Variants in ST7 observed in about 807,000 individuals in gnomAD.
ST7 encodes suppressor of tumorigenicity 7 protein.
A neutral mutation model predicts 78.7 loss-of-function variants in ST7; 28 were observed. The ratio of observed to expected loss-of-function variants is 0.36; its 90% CI spans 0.26 to 0.49. ST7 has a LOEUF of 0.49. Among genes scored for constraint, ST7 ranks in the 20% least tolerant of loss-of-function variants. The probability of loss-of-function intolerance (pLI) is 0.99; values close to 1 mark genes in which losing one functional copy is unlikely to be tolerated. For missense variants in ST7, 418 were observed against 696.0 expected, an observed-to-expected ratio of 0.60 and a Z score of 4.49; for synonymous variants, 247 against 249.6, an observed-to-expected ratio of 0.99 and a Z score of 0.10.
At chr7:117,085,030 C>T (rs1800036265) in intron 1 of ST7, among the ~76,000 whole-genome samples, 1 of 151,948 alleles carries the variant, frequency 6.6e-6, no homozygotes, top group African/African-American at 2.4e-5. Context: ...TCAGTCCTGG[C>T]GCTTGTTCCT....
intron 10 of ST7, among the ~76,000 whole-genome samples, chr7:117,172,137 G>C (rs1808042521): frequency 6.6e-6 from 1 of 151,888 alleles, no homozygotes; most frequent in Non-Finnish European, 1.5e-5. Flanking sequence ...TTTTTTTGTA[G>C]AGACTGGTTA....
chr7:116,980,961 C>T (rs1203660675), intron 1 of ST7, among the ~76,000 whole-genome samples: 1 of 152,194 alleles, frequency 6.6e-6, no homozygotes, highest in Non-Finnish European at 1.5e-5. Flanking sequence ...TCATGCCTTC[C>T]ATTTAGTAGC....
At chr7:117,141,702 A>G (rs1322699124) in intron 9 of ST7, among the ~76,000 whole-genome samples, 1 of 151,084 alleles carries the variant, frequency 6.6e-6, no homozygotes, top group Non-Finnish European at 1.5e-5. Flanking sequence ...ACAGAGTCTC[A>G]CTCTGATGCC....
chr7:117,116,695 C>T (rs115254771), intron 2 of ST7, among the ~76,000 whole-genome samples: 2,264 of 152,246 alleles, frequency 0.015, 73 homozygotes, highest in African/African-American at 0.052. Context: ...CTGTACACAG[C>T]AGGGGCTGTA....
At chr7:117,188,773 T>TATATATATATATATCTCCTC (rs147832271) in intron 10 of ST7, among the ~76,000 whole-genome samples, 1 of 151,872 alleles carries the variant, frequency 6.6e-6, no homozygotes, top group African/African-American at 2.4e-5. Flanking sequence ...GACATATATA[T>TATATATATATATATCTCCTC]AACTTGGACT....
chr7:117,172,873 G>A (rs1207042787), intron 10 of ST7, among the ~76,000 whole-genome samples: 1 of 152,186 alleles, frequency 6.6e-6, no homozygotes, highest in Non-Finnish European at 1.5e-5. Context: ...AGCCTCTTAA[G>A]GCTCCTTTCA....
intron 1 of ST7, among the ~76,000 whole-genome samples, chr7:117,010,832 T>C (rs570324365): frequency 5.3e-5 from 8 of 152,158 alleles, no homozygotes; most frequent in Non-Finnish European, 1.2e-4. Context: ...AAGAGTGAAG[T>C]GGAAGCCATG....
At chr7:117,125,943 T>C (rs1455579504) in intron 3 of ST7, among the ~76,000 whole-genome samples, 1 of 152,010 alleles carries the variant, frequency 6.6e-6, no homozygotes, top group Non-Finnish European at 1.5e-5. Context: ...CTTAATCTCA[T>C]TTACCATAGA....
At chr7:117,214,962 T>G (rs1792579485) in intron 13 of ST7, among the ~76,000 whole-genome samples, 1 of 148,694 alleles carries the variant, frequency 6.7e-6, no homozygotes, top group South Asian at 2.1e-4. Context: ...GTGTACAGTG[T>G]ATATAAGCAA....
At chr7:117,123,360 T>C (rs1332515440) in intron 3 of ST7, among the ~76,000 whole-genome samples, 1 of 152,156 alleles carries the variant, frequency 6.6e-6, no homozygotes, top group Non-Finnish European at 1.5e-5. Flanking sequence ...AAGGTTGTTA[T>C]GGTTACAGGC....
chr7:117,099,903 G>A (rs1801438279), intron 2 of ST7, 59 bp downstream of exon 2: 1 of 1,336,756 alleles, frequency 7.5e-7, no homozygotes, highest in African/African-American at 1.5e-5. Flanking sequence ...GTGTATTAGT[G>A]TATGTACAGT....
chr7:117,103,062 A>G (rs1318046265), intron 2 of ST7, among the ~76,000 whole-genome samples: 4 of 152,198 alleles, frequency 2.6e-5, no homozygotes, highest in African/African-American at 9.7e-5. Context: ...TTAAACCCTG[A>G]TGGAAAAAAA....
At chr7:117,073,058 T>C (rs1210838815) in intron 1 of ST7, 2 of 152,160 alleles carry the variant, frequency 1.3e-5, no homozygotes, top group Non-Finnish European at 1.5e-5. Flanking sequence ...ACAGGAAACA[T>C]TGCGGCTGCG....
chr7:117,135,978 T>C (rs1205377850), intron 7 of ST7, 103 bp from the exon 8 acceptor site: 3 of 1,276,306 alleles, frequency 2.4e-6, no homozygotes, highest in Non-Finnish European at 3.3e-6. Context: ...TTGGCCACTC[T>C]GCATGTTTTG....
chr7:116,996,678 A>C (rs1326160487), intron 1 of ST7, among the ~76,000 whole-genome samples: 3 of 152,180 alleles, frequency 2.0e-5, no homozygotes, highest in Non-Finnish European at 4.4e-5. Context: ...AAAGTTACCT[A>C]GTCTGATTTA....
intron 1 of ST7, among the ~76,000 whole-genome samples, chr7:116,958,048 G>A (rs2116130278): frequency 6.6e-6 from 1 of 152,186 alleles, no homozygotes; most frequent in Admixed American, 6.5e-5. Context: ...GTGCAGTGGT[G>A]CAGTCACAGC....
intron 1 of ST7, among the ~76,000 whole-genome samples, chr7:116,984,480 T>C (rs1008993500): frequency 6.6e-6 from 1 of 152,180 alleles, no homozygotes; most frequent in African/African-American, 2.4e-5. Context: ...CTAAACTAAG[T>C]GCTCAGTGAG....
At chr7:117,018,167 A>G (rs1019479669) in intron 1 of ST7, among the ~76,000 whole-genome samples, 1 of 152,160 alleles carries the variant, frequency 6.6e-6, no homozygotes, top group African/African-American at 2.4e-5. Flanking sequence ...TCTCTAACCC[A>G]GGGGCCATTT....
intron 1 of ST7, among the ~76,000 whole-genome samples, chr7:117,033,938 GTTC>G (rs1796749552): frequency 6.6e-6 from 1 of 151,934 alleles, no homozygotes; most frequent in African/African-American, 2.4e-5. Context: ...TATTGTTGTT[GTTC>G]TTCTTCCTTT....
Sources: allele counts gnomAD v4.1 joint callset (sites outside exome capture counted in the v4.1 genomes callset), GRCh38; gene constraint gnomAD v4.1.1; transcripts MANE v1.5; gene names NCBI Gene and HGNC (gene_info 2026-07-23, HGNC 2026-07-21).